NRK: variants seen among roughly 807,000 people sequenced by gnomAD.
The protein encoded by NRK is Nik related kinase, also known as nik-related protein kinase.
A neutral mutation model predicts 125.2 loss-of-function variants in NRK; 67 were observed. The ratio of observed to expected loss-of-function variants is 0.54; its 90% confidence interval spans 0.44 to 0.66. NRK has a LOEUF of 0.66. Ranked by LOEUF, NRK falls within the 30% of genes least tolerant of loss-of-function variation. The probability of loss-of-function intolerance (pLI) is 0.00; values close to 1 mark genes in which losing one functional copy is unlikely to be tolerated. For missense variants in NRK, 1,224 were observed against 1,192.9 expected (o/e 1.03, Z -0.38); for synonymous variants, 458 against 429.0 (o/e 1.07, Z -0.84).
chrX:105,941,211 A>T (rs918160643), intron 23 of NRK, among the ~76,000 whole-genome samples: 2 of 111,245 alleles, frequency 1.8e-5, no homozygotes, highest in African/African-American at 3.3e-5. Flanking sequence ...GCTCTTTGTG[A>T]GGGGTGGACT....
intron 11 of NRK, among the ~76,000 whole-genome samples, 169 bp downstream of exon 11, chrX:105,906,758 C>G: frequency 1.1e-5 from 1 of 87,281 alleles, no homozygotes; most frequent in Middle Eastern, 6.0e-3. Context: ...ATTTAATTTT[C>G]TCTTGCGTGT....
At chrX:105,900,553 T>G in intron 8 of NRK, 65 bp from the exon 9 acceptor site, 258 of 729,233 alleles carry the variant, frequency 3.5e-4, no homozygotes, top group Non-Finnish European at 4.8e-4. Context: ...AACATTGTTT[T>G]GAGATTCTAA....
At chrX:105,929,394 A>G (rs138670076) in intron 19 of NRK, among the ~76,000 whole-genome samples, 5,873 of 111,119 alleles carry the variant, frequency 0.053, 164 homozygotes, top group Non-Finnish European at 0.081. Flanking sequence ...GGTAAGGTGA[A>G]TTTCTTATAG....
intron 5 of NRK, among the ~76,000 whole-genome samples, 159 bp from the exon 6 acceptor site, chrX:105,893,673 G>A (rs2040043353): frequency 1.8e-5 from 2 of 111,593 alleles, no homozygotes; most frequent in Non-Finnish European, 3.8e-5. Flanking sequence ...CTCTAATTTC[G>A]CTAGCCTTTG....
At chrX:105,952,989 A>G (rs776120379) in intron 27 of NRK, 45 bp from the exon 28 acceptor site, 1 of 1,043,788 alleles carries the variant, frequency 9.6e-7, no homozygotes, top group Non-Finnish European at 1.3e-6. Context: ...TATGATGGCC[A>G]GAAAGATTTT....
chrX:105,922,590 G>A (rs1294890146), intron 17 of NRK, among the ~76,000 whole-genome samples: 3 of 111,473 alleles, frequency 2.7e-5, no homozygotes, highest in Non-Finnish European at 3.8e-5. Flanking sequence ...CTATGCTACC[G>A]TACACACATC....
At chrX:105,953,798 A>C (rs1462292720) in intron 28 of NRK, among the ~76,000 whole-genome samples, 2 of 111,827 alleles carry the variant, frequency 1.8e-5, no homozygotes, top group Non-Finnish European at 3.8e-5. Flanking sequence ...GATTATTACC[A>C]TTCCTACCTA....
intron 2 of NRK, among the ~76,000 whole-genome samples, chrX:105,867,299 C>A (rs1243561172): frequency 9.0e-6 from 1 of 111,171 alleles, no homozygotes; most frequent in Non-Finnish European, 1.9e-5. Flanking sequence ...GGTGAAGTAT[C>A]TTCTCTGGAC....
At chrX:105,854,960 A>G (rs1298092852) in intron 2 of NRK, among the ~76,000 whole-genome samples, 5 of 112,289 alleles carry the variant, frequency 4.5e-5, no homozygotes, top group African/African-American at 1.6e-4. Context: ...AGTGCCTGGT[A>G]CATAAGAAAT....
At chrX:105,881,624 T>C in intron 3 of NRK, 84 bp from the exon 4 acceptor site, 1 of 511,179 alleles carries the variant, frequency 2.0e-6, no homozygotes, top group Non-Finnish European at 3.4e-6. Context: ...TTCCATTGAG[T>C]GCTAACGTAG....
Position 105,946,398 on chromosome X carries a change from A to G in NRK, c.4287A>G (p.Ser1429=), listed in dbSNP as rs2040813508. ...SEKRLKIFFS[S]ADGYHLIDAE... ...AAAGACTAAAGATTTTCTTCAGCTC[A>G]GCAGATGGATATCACCTCATCGATG... The change falls in exon 26 of 29, where the codon TCA becomes TCG. Residue 1429 remains serine (S), a synonymous_variant. Transcript: ENST00000243300. 8.4e-7 allele frequency: 1 copy of G among 1,195,600 alleles called. No individual in the cohort carries two copies. Among genetic ancestry groups the G allele is most frequent in the Non-Finnish European group, 1.1e-6 (1 of 880,727 alleles).
In NRK at chrX:105,909,475, G is replaced by C; in HGVS notation, c.1834G>C (p.Val612Leu). Residue 612 changes from valine (V) to leucine (L), a missense_variant, in exon 13 of 29, where the codon GTA (valine) becomes CTA (leucine). Coordinates refer to ENST00000243300, the MANE Select transcript of NRK (RefSeq NM_198465.4). ...TTTGGATACTCAGGTGCTCATTCCA[G>C]TAGAGGGGCAAACTGAAGGATCACC... ...LHLDTQVLIP[V>L]EGQTEGSPQA... 4.1e-6 allele frequency: 5 copies of C among 1,209,810 alleles called. No individual in the cohort carries two copies. The highest frequency in any genetic ancestry group is 5.6e-6 in the Non-Finnish European group (5 of 894,170).
rs776426700 is a variant in NRK at position 105,924,708 on chromosome X, A to G, written c.2989A>G (p.Arg997Gly). The change falls in exon 19 of 29, where the codon AGA becomes GGA. Residue 997 changes from arginine (R) to glycine (G), a missense_variant. Transcript: ENST00000243300. ...GCTTGTTGTCAGGGCAAGCTATGGC[A>G]GAGATGGAAGCTGCAAGCAAGATGG... ...APSCPRASYG[R>G]DGSCKQDGYD... 1.7e-6 allele frequency: 2 copies of G among 1,193,317 alleles called. No individual in the cohort carries two copies. Among genetic ancestry groups the G allele is most frequent in the Non-Finnish European group, 2.3e-6 (2 of 886,463 alleles).
chrX:105,838,685 G>A (rs768284736), intron 2 of NRK, among the ~76,000 whole-genome samples: 8 of 110,785 alleles, frequency 7.2e-5, no homozygotes, highest in Non-Finnish European at 1.3e-4. Flanking sequence ...TTAAATGCTG[G>A]TGGAAGAAAG....
intron 5 of NRK, among the ~76,000 whole-genome samples, chrX:105,889,947 G>A (rs952961501): frequency 5.3e-5 from 6 of 112,297 alleles, no homozygotes; most frequent in Admixed American, 1.9e-4. Context: ...GGTGATTAAC[G>A]TTTGGCTCCT....
At chrX:105,853,525 A>C (rs1288892059) in intron 2 of NRK, among the ~76,000 whole-genome samples, 1 of 112,108 alleles carries the variant, frequency 8.9e-6, no homozygotes, top group Non-Finnish European at 1.9e-5. Context: ...GCGCAAGCAC[A>C]CACAGACACA....
intron 1 of NRK, among the ~76,000 whole-genome samples, chrX:105,828,861 T>G (rs768653993): frequency 1.2e-4 from 13 of 112,078 alleles, no homozygotes; most frequent in Non-Finnish European, 2.4e-4. Flanking sequence ...AATTATCATT[T>G]TAGATAAATT....
chrX:105,822,832 G>T lies in NRK; in HGVS notation c.-14G>T. 1 of 1,168,755 alleles carries T rather than the reference G, an allele frequency of 8.6e-7. No homozygotes were observed. The highest frequency in any genetic ancestry group is 1.1e-6 in the Non-Finnish European group (1 of 872,708). On this transcript the variant is annotated 5_prime_UTR_variant, in exon 1 of 29. Transcript: ENST00000243300. ...CCAATTCAGTCGCCCGCTCCCGTTC[G>T]GCTCCTCGAAGCCATGGCGGGACCT...
chrX:105,898,507 C>A, intron 7 of NRK, 77 bp from the exon 8 acceptor site: 1 of 965,207 alleles, frequency 1.0e-6, no homozygotes, highest in Non-Finnish European at 1.4e-6. Context: ...TTTGTATCAG[C>A]TTTCCAAGTT....
Sources: gnomAD v4.1 joint callset for allele counts (sites outside exome capture counted in the v4.1 genomes callset) on GRCh38, gnomAD v4.1.1 for gene constraint, MANE v1.5 for transcripts, NCBI Gene and HGNC (gene_info 2026-07-23, HGNC 2026-07-21) for gene names.